The following NBAS variants were observed in gnomAD, a reference collection of about 807,000 sequenced individuals.
NBAS encodes NBAS subunit of NRZ tethering complex.
NBAS carries 219 observed loss-of-function variants against 302.5 expected under a neutral mutation model. The ratio of observed to expected loss-of-function variants is 0.72; its 90% CI spans 0.65 to 0.81. The LOEUF (loss-of-function observed/expected upper bound fraction) is 0.81, where lower values mean the gene tolerates loss of function less well. Ranked by LOEUF, NBAS falls within the 30% of genes least tolerant of loss-of-function variation. The pLI is 0.00. For synonymous variants in NBAS, 1,118 were observed against 1,021.6 expected (o/e 1.09, Z -1.80); for missense variants, 2,932 against 2,841.6 (o/e 1.03, Z -0.72).
chr2:15,014,734 T>C, the NBAS span, among the ~76,000 whole-genome samples: 36 of 151,746 alleles, frequency 2.4e-4, no homozygotes, highest in African/African-American at 8.2e-4. Flanking sequence ...CTGAAGGAAC[T>C]AGAAAAGCAA....
intron 31 of NBAS, 61 bp from the exon 32 acceptor site, chr2:15,366,754 C>T: frequency 6.9e-7 from 1 of 1,456,962 alleles, no homozygotes; most frequent in South Asian, 1.1e-5. Context: ...GTGTTAATGG[C>T]CTTCCTAATG....
At chr2:15,300,083 C>G (rs938116196) in intron 40 of NBAS, among the ~76,000 whole-genome samples, 15 of 152,162 alleles carry the variant, frequency 9.9e-5, no homozygotes, top group African/African-American at 3.4e-4. Context: ...CTGCTGGGCT[C>G]CAGGGGGCCT....
chr2:15,271,990 A>T (rs1669345686), intron 44 of NBAS, among the ~76,000 whole-genome samples: 1 of 152,220 alleles, frequency 6.6e-6, no homozygotes, highest in Non-Finnish European at 1.5e-5. Flanking sequence ...TCTGCATATT[A>T]ATCATCTCAA....
chr2:15,147,567 G>A, the NBAS span, among the ~76,000 whole-genome samples: 49 of 151,974 alleles, frequency 3.2e-4, 1 homozygote, highest in African/African-American at 1.2e-3. Flanking sequence ...ACTCCAGCCT[G>A]GGCAACAAGA....
At position 15,299,919 on chromosome 2, in the gene NBAS, CAT is replaced by C. The variant is rs564689224; in HGVS notation, c.4798-7155_4798-7154del. 1.1e-4 allele frequency among the ~76,000 whole-genome samples: 17 copies of C among 152,256 alleles called. No homozygotes were observed. The South Asian group carries it at 1.7e-3, about 15-fold the overall frequency. On this transcript the variant is annotated intron_variant, in intron 40 of 51. Transcript: ENST00000281513. ...TTTCAACACTTGAGTTTTGGGGTCA[CAT>C]GTGTATTTTTTAAAAACGTAAAAAT... is the stretch of plus-strand genomic sequence containing the variant.
At chr2:14,951,302 T>A in the NBAS span, among the ~76,000 whole-genome samples, 2 of 152,112 alleles carry the variant, frequency 1.3e-5, no homozygotes, top group Non-Finnish European at 2.9e-5. Context: ...TCGACCCCCC[T>A]CCCATCTTAA....
At chr2:15,206,797 C>T (rs933806715) in intron 48 of NBAS, among the ~76,000 whole-genome samples, 8 of 152,212 alleles carry the variant, frequency 5.3e-5, no homozygotes, top group Non-Finnish European at 1.0e-4. Context: ...GTACAGAAGA[C>T]ACAAGTTGAG....
the NBAS span, among the ~76,000 whole-genome samples, chr2:15,029,929 A>T: frequency 6.6e-6 from 1 of 152,208 alleles, no homozygotes. Flanking sequence ...CGAATCTAAT[A>T]TTTGCAGTGT....
intron 47 of NBAS, among the ~76,000 whole-genome samples, chr2:15,225,353 G>C (rs1350115571): frequency 1.3e-5 from 2 of 152,170 alleles, no homozygotes; most frequent in Admixed American, 1.3e-4. Flanking sequence ...ATCCTGGATT[G>C]TGACGACAGC....
the NBAS span, among the ~76,000 whole-genome samples, chr2:14,945,127 G>C: frequency 1.3e-5 from 2 of 152,144 alleles, no homozygotes; most frequent in Non-Finnish European, 2.9e-5. Context: ...CAGGATCCCT[G>C]GGCAGGAACC....
intron 40 of NBAS, among the ~76,000 whole-genome samples, chr2:15,298,022 T>C (rs1472893494): frequency 6.6e-6 from 1 of 152,174 alleles, no homozygotes; most frequent in East Asian, 1.9e-4. Context: ...GAAATAAATA[T>C]ACTTCCTTTT....
At chr2:15,316,809 A>G (rs185489344) in intron 38 of NBAS, among the ~76,000 whole-genome samples, 1 of 152,340 alleles carries the variant, frequency 6.6e-6, no homozygotes, top group East Asian at 1.9e-4. Context: ...ACAGCTGAAC[A>G]AAAGGCAGCA....
At chr2:15,369,472 C>CTA (rs556369408) in intron 31 of NBAS, among the ~76,000 whole-genome samples, 38 of 152,298 alleles carry the variant, frequency 2.5e-4, no homozygotes, top group African/African-American at 8.9e-4. Context: ...GAGCAGAAGT[C>CTA]TAATAGACTG....
chr2:15,008,922 A>C, the NBAS span, among the ~76,000 whole-genome samples: 1 of 152,208 alleles, frequency 6.6e-6, no homozygotes, highest in African/African-American at 2.4e-5. Context: ...ATTTCTGTTA[A>C]TCAGTTCAGG....
At chr2:14,952,165 G>A in the NBAS span, among the ~76,000 whole-genome samples, 292 of 152,246 alleles carry the variant, frequency 1.9e-3, 4 homozygotes, top group Non-Finnish European at 2.8e-4. Flanking sequence ...CAGGAAGCTG[G>A]TGCCCCAGTA....
chr2:14,936,296 A>C, the NBAS span, among the ~76,000 whole-genome samples: 2 of 152,222 alleles, frequency 1.3e-5, no homozygotes, highest in Admixed American at 1.3e-4. Flanking sequence ...GCCCAAAGCT[A>C]ACCAAAATCT....
intron 3 of NBAS, among the ~76,000 whole-genome samples, chr2:15,555,261 TAAA>T (rs770559877): frequency 7.4e-6 from 1 of 135,762 alleles, no homozygotes. Flanking sequence ...GACCCTCTCT[TAAA>T]AAAAAAAAAA....
At chr2:14,866,724 A>AGAGACATCAGGATCTTACTCTT in the NBAS span, among the ~76,000 whole-genome samples, 3 of 152,330 alleles carry the variant, frequency 2.0e-5, no homozygotes, top group East Asian at 1.9e-4. Context: ...TGAAGGCATA[A>AGAGACATCAGGATCTTACTCTT]GAGACATCAG....
intron 35 of NBAS, among the ~76,000 whole-genome samples, chr2:15,337,613 T>C (rs898648995): frequency 1.3e-5 from 2 of 152,172 alleles, no homozygotes; most frequent in Non-Finnish European, 2.9e-5. Context: ...TAAAAGTTTG[T>C]TTCAGAAGAT....
Sources: gnomAD v4.1 joint callset for allele counts (sites outside exome capture counted in the v4.1 genomes callset) on GRCh38, gnomAD v4.1.1 for gene constraint, MANE v1.5 for transcripts, NCBI Gene and HGNC (gene_info 2026-07-23, HGNC 2026-07-21) for gene names.